Variants in BBOX1 observed in about 807,000 individuals in gnomAD.
The protein encoded by BBOX1 is gamma-butyrobetaine hydroxylase 1, also known as gamma-butyrobetaine dioxygenase.
In BBOX1, 35 loss-of-function variants were observed where a neutral mutation model predicts 41.6. That is an observed-to-expected ratio of 0.84 (90% confidence interval 0.64 to 1.11). The LOEUF is 1.11. Among genes scored for constraint, BBOX1 ranks in the 50% most tolerant of loss-of-function variants. The pLI is 0.00. For missense variants in BBOX1, 458 were observed against 460.6 expected (o/e 0.99, Z 0.05); for synonymous variants, 163 against 154.7 (o/e 1.05, Z -0.40).
At position 27,041,346 on chromosome 11, in the gene BBOX1, G is replaced by A. The variant is rs1045669070; in HGVS notation, c.-171G>A. The A allele has an allele frequency of 7.2e-5, 11 of 152,120 alleles. No homozygotes were observed. The highest frequency in any genetic ancestry group is 2.4e-4 in the African/African-American group (10 of 41,426). 9.4% of individuals were successfully genotyped at this position (152,120 alleles called of 1,614,324 possible). A position where few individuals can be genotyped will look rare whatever the true frequency, so the allele number is the denominator to read the frequency against. On this transcript the variant is annotated 5_prime_UTR_variant, in exon 2 of 9. Coordinates refer to ENST00000263182, the MANE Select transcript of BBOX1 (RefSeq NM_003986.3). ...CAGGGCCACAGTGAAACTGCCAGGAGCAAAAAGGCTTCCAAGAAAAAGTAC... is the reference window on the plus strand; with the variant it reads ...CAGGGCCACAGTGAAACTGCCAGGAACAAAAAGGCTTCCAAGAAAAAGTAC...
At chr11:27,044,685 T>A (rs951042728) in intron 2 of BBOX1, among the ~76,000 whole-genome samples, 1 of 152,234 alleles carries the variant, frequency 6.6e-6, no homozygotes, top group Non-Finnish European at 1.5e-5. Flanking sequence ...ATTTATTAAA[T>A]AGGAAATCCT....
chr11:27,117,124 C>T (rs1182936549), intron 6 of BBOX1, among the ~76,000 whole-genome samples: 1 of 151,920 alleles, frequency 6.6e-6, no homozygotes, highest in African/African-American at 2.4e-5. Context: ...AAAGATATGC[C>T]ATCCCTATTT....
chr11:27,053,550 GTAC>G (rs200506992), intron 2 of BBOX1, among the ~76,000 whole-genome samples: 2 of 152,306 alleles, frequency 1.3e-5, no homozygotes, highest in Admixed American at 6.5e-5. Flanking sequence ...CGGTTAAAAT[GTAC>G]TACATTTCTT....
intron 4 of BBOX1, among the ~76,000 whole-genome samples, chr11:27,086,300 A>T (rs530718371): frequency 1.3e-5 from 2 of 152,206 alleles, no homozygotes; most frequent in South Asian, 4.1e-4. Context: ...ACTCCAAAAA[A>T]CAGACTGACC....
At chr11:27,083,442 C>A (rs886988256) in intron 4 of BBOX1, among the ~76,000 whole-genome samples, 1 of 152,052 alleles carries the variant, frequency 6.6e-6, no homozygotes, top group Non-Finnish European at 1.5e-5. Context: ...TGCCCCAGTT[C>A]TAGCCTTGGT....
chr11:27,103,016 C>T (rs1160665081), intron 5 of BBOX1, among the ~76,000 whole-genome samples: 1 of 152,000 alleles, frequency 6.6e-6, no homozygotes, highest in Non-Finnish European at 1.5e-5. Context: ...TAGTGAAAAC[C>T]TGTCTCTACT....
At chr11:27,059,361 T>C (rs1432031485) in intron 4 of BBOX1, among the ~76,000 whole-genome samples, 5 of 152,218 alleles carry the variant, frequency 3.3e-5, no homozygotes, top group African/African-American at 1.2e-4. Flanking sequence ...GTAATTGCGG[T>C]TTTTGCCATT....
Position 27,119,925 on chromosome 11 carries a change from C to T in BBOX1, c.836+80C>T, listed in dbSNP as rs564858768. On this transcript the variant is annotated intron_variant, in intron 7 of 8. Coordinates refer to ENST00000263182, the MANE Select transcript of BBOX1 (RefSeq NM_003986.3). The stretch of plus-strand genomic sequence containing the variant: ...CCACTAATCTAAAGTTTAAACAGCA[C>T]AAAACTTCAACGAACTTCAGAGCTT... 2.1e-4 allele frequency: 181 copies of T among 861,490 alleles called. 1 individual carries two copies. In the South Asian group the frequency reaches 7.6e-3, roughly 36 times the overall value. The allele number at this position is 861,490 out of a possible 1,614,324, so 53.4% of individuals were successfully genotyped here. A position where few individuals can be genotyped will look rare whatever the true frequency, so the allele number is the denominator to read the frequency against.
chr11:27,061,401 C>T (rs1293806213), intron 4 of BBOX1, among the ~76,000 whole-genome samples: 2 of 152,068 alleles, frequency 1.3e-5, no homozygotes, highest in Admixed American at 6.6e-5. Context: ...AAAACAAGAT[C>T]AGATTTTTAA....
intron 8 of BBOX1, among the ~76,000 whole-genome samples, chr11:27,126,963 C>T (rs372959633): frequency 6.6e-6 from 1 of 152,212 alleles, no homozygotes; most frequent in Non-Finnish European, 1.5e-5. Context: ...CGTGAGCCAC[C>T]GCGCCCGGCA....
chr11:27,108,881 C>A (rs918454772), intron 5 of BBOX1, among the ~76,000 whole-genome samples: 1 of 152,026 alleles, frequency 6.6e-6, no homozygotes, highest in African/African-American at 2.4e-5. Context: ...TTCCACTCTC[C>A]TCCTGCCACT....
At chr11:27,100,323 G>A (rs909430345) in intron 5 of BBOX1, among the ~76,000 whole-genome samples, 2 of 152,018 alleles carry the variant, frequency 1.3e-5, no homozygotes, top group Non-Finnish European at 2.9e-5. Flanking sequence ...TTCTAATTAG[G>A]AAATTGCTTG....
At chr11:27,049,383 C>G (rs1851599543) in intron 2 of BBOX1, among the ~76,000 whole-genome samples, 1 of 151,948 alleles carries the variant, frequency 6.6e-6, no homozygotes, top group Admixed American at 6.6e-5. Context: ...AGAGAAATGT[C>G]TATTCCATTT....
At chr11:27,043,164 C>G (rs992093026) in intron 2 of BBOX1, among the ~76,000 whole-genome samples, 1 of 151,954 alleles carries the variant, frequency 6.6e-6, no homozygotes, top group Non-Finnish European at 1.5e-5. Flanking sequence ...CCCGGGTTCA[C>G]GCCATTCTCC....
intron 4 of BBOX1, among the ~76,000 whole-genome samples, chr11:27,064,917 AC>A (rs1244043755): frequency 6.7e-6 from 1 of 148,206 alleles, no homozygotes; most frequent in Non-Finnish European, 1.5e-5. Context: ...AAAAAAAAAA[AC>A]AACAAAAAAA....
In BBOX1 at chr11:27,044,287, T is replaced by G. The variant is rs767491674; in HGVS notation, c.-39+2809T>G. The stretch of plus-strand genomic sequence containing the variant: ...ATATCTTTTGCCCATTTTTGATGGG[T>G]TTTTTTTTCTTGTAAATTTGTTGAA... On this transcript the variant is annotated intron_variant, in intron 2 of 8. Coordinates refer to ENST00000263182, the MANE Select transcript of BBOX1 (RefSeq NM_003986.3). Among the ~76,000 whole-genome samples, 9 of 149,572 alleles carry G rather than the reference T, an allele frequency of 6.0e-5. No homozygotes were observed. In the South Asian group the frequency reaches 8.4e-4, roughly 14 times the overall value.
chr11:27,070,938 C>T (rs1857425830), intron 4 of BBOX1, among the ~76,000 whole-genome samples: 1 of 152,116 alleles, frequency 6.6e-6, no homozygotes, highest in Non-Finnish European at 1.5e-5. Context: ...AGTTTTAGAA[C>T]TCCTAGCATT....
intron 4 of BBOX1, among the ~76,000 whole-genome samples, chr11:27,072,800 G>A (rs1403419222): frequency 6.6e-6 from 1 of 152,084 alleles, no homozygotes; most frequent in Non-Finnish European, 1.5e-5. Context: ...TGACAAACCT[G>A]ACAAAAATAA....
intron 5 of BBOX1, among the ~76,000 whole-genome samples, chr11:27,105,350 G>T (rs972616674): frequency 6.6e-6 from 1 of 152,090 alleles, no homozygotes; most frequent in Non-Finnish European, 1.5e-5. Context: ...CTTGAAAAAA[G>T]ATTAGACAAA....
Sources: allele counts gnomAD v4.1 joint callset (sites outside exome capture counted in the v4.1 genomes callset), GRCh38; gene constraint gnomAD v4.1.1; transcripts MANE v1.5; gene names NCBI Gene and HGNC (gene_info 2026-07-23, HGNC 2026-07-21).